PDE2A: variants seen among roughly 807,000 people sequenced by gnomAD.
PDE2A encodes phosphodiesterase 2A, also known as cGMP-dependent 3',5'-cyclic phosphodiesterase.
In PDE2A, 53 loss-of-function variants were observed where a neutral mutation model predicts 133.6. The ratio of observed to expected loss-of-function variants is 0.40; its 90% CI spans 0.32 to 0.50. PDE2A has a LOEUF of 0.50. Ranked by LOEUF, PDE2A falls within the 20% of genes least tolerant of loss-of-function variation. PDE2A has a pLI of 0.73. For synonymous variants in PDE2A, 491 were observed against 490.2 expected (o/e 1.00, Z -0.02); for missense variants, 796 against 1,232.4 (o/e 0.65, Z 5.30).
At chr11:72,648,100 C>T (rs189801130) in intron 1 of PDE2A, among the ~76,000 whole-genome samples, 6 of 152,278 alleles carry the variant, frequency 3.9e-5, no homozygotes, top group South Asian at 2.1e-4. Flanking sequence ...GTATGTGACA[C>T]GTGTTTATGC....
intron 1 of PDE2A, among the ~76,000 whole-genome samples, chr11:72,653,222 C>T (rs1335129940): frequency 2.0e-5 from 3 of 152,096 alleles, no homozygotes; most frequent in African/African-American, 7.2e-5. Flanking sequence ...TGGCTGGGCT[C>T]TCGAGGGGAA....
In PDE2A at chr11:72,577,700, C is replaced by CGGTA. The variant is rs1157941413; in HGVS notation, c.2616-110_2616-107dup. ...ATAGAACTTCCACAAGGGCCAGGTA[C>CGGTA]GGTAGCTCACGCCTGTAATCCCAAC... On this transcript the variant is annotated intron_variant, in intron 30 of 30. Coordinates refer to ENST00000334456, the MANE Select transcript of PDE2A (RefSeq NM_002599.5). The CGGTA allele has an allele frequency of 3.9e-6, 3 of 766,794 alleles. No homozygotes were observed. The African/African-American group carries it at 5.1e-5, about 13-fold the overall frequency. 47.5% of individuals were successfully genotyped at this position (766,794 alleles called of 1,614,324 possible). A position where few individuals can be genotyped will look rare whatever the true frequency, so the allele number is the denominator to read the frequency against.
chr11:72,610,191 C>G (rs534736211), intron 2 of PDE2A, among the ~76,000 whole-genome samples: 2 of 152,266 alleles, frequency 1.3e-5, no homozygotes, highest in South Asian at 4.1e-4. Flanking sequence ...TCTCTCAGAC[C>G]CTCCTAGATG....
intron 2 of PDE2A, among the ~76,000 whole-genome samples, chr11:72,641,997 G>A (rs577376088): frequency 2.0e-5 from 3 of 152,230 alleles, no homozygotes; most frequent in Non-Finnish European, 2.9e-5. Context: ...TGTGCACTGC[G>A]GTCCCACCGT....
At chr11:72,670,010 A>C (rs1318148017) in intron 1 of PDE2A, among the ~76,000 whole-genome samples, 2 of 150,816 alleles carry the variant, frequency 1.3e-5, no homozygotes, top group Non-Finnish European at 3.0e-5. Flanking sequence ...TCAATTCCCC[A>C]CTCCTCTCCT....
chr11:72,614,437 G>C (rs1475965134), intron 2 of PDE2A, among the ~76,000 whole-genome samples: 2 of 152,176 alleles, frequency 1.3e-5, no homozygotes, highest in African/African-American at 4.8e-5. Context: ...ATCAGGCTTT[G>C]GGGAGGGGAA....
chr11:72,661,262 G>A (rs1337281674), intron 1 of PDE2A, among the ~76,000 whole-genome samples: 5 of 152,086 alleles, frequency 3.3e-5, no homozygotes, highest in Admixed American at 2.6e-4. Flanking sequence ...CCAGGATAGC[G>A]CCACTGCCCT....
chr11:72,650,073 G>A (rs341039), intron 1 of PDE2A, among the ~76,000 whole-genome samples: 115,596 of 149,424 alleles, frequency 0.77, 45,265 homozygotes, highest in Middle Eastern at 0.84. Flanking sequence ...CAGGGCTGGA[G>A]TGCAGTGGTA....
intron 1 of PDE2A, among the ~76,000 whole-genome samples, chr11:72,645,447 C>T (rs1221116329): frequency 6.6e-6 from 1 of 152,314 alleles, no homozygotes; most frequent in African/African-American, 2.4e-5. Flanking sequence ...CATTTAAAGG[C>T]CTTGCCGAGC....
chr11:72,622,383 C>A (rs1857817662), intron 2 of PDE2A, among the ~76,000 whole-genome samples: 1 of 152,148 alleles, frequency 6.6e-6, no homozygotes, highest in Non-Finnish European at 1.5e-5. Flanking sequence ...GAAGCAGGAT[C>A]TTGAAGAGAT....
At chr11:72,594,046 C>T (rs1856369840) in intron 6 of PDE2A, among the ~76,000 whole-genome samples, 1 of 152,232 alleles carries the variant, frequency 6.6e-6, no homozygotes, top group African/African-American at 2.4e-5. Context: ...TAGTGCTTCT[C>T]ACCACCAACC....
intron 1 of PDE2A, chr11:72,658,138 T>G (rs1313851049): frequency 2.2e-6 from 1 of 456,220 alleles, no homozygotes; most frequent in African/African-American, 2.0e-5. Flanking sequence ...AATCCTCCCA[T>G]CCAATCCTCT....
chr11:72,580,341 G>A (rs1855664312), intron 25 of PDE2A, among the ~76,000 whole-genome samples: 1 of 152,122 alleles, frequency 6.6e-6, no homozygotes, highest in Admixed American at 6.5e-5. Context: ...GGGCTGAATG[G>A]GGTGTTCCCA....
chr11:72,613,444 C>G (rs1330302430), intron 2 of PDE2A, among the ~76,000 whole-genome samples: 3 of 151,986 alleles, frequency 2.0e-5, no homozygotes, highest in Admixed American at 2.0e-4. Flanking sequence ...TCGGAGCCCT[C>G]TCATTCTCTG....
At chr11:72,595,737 T>C (rs2034261547) in intron 6 of PDE2A, among the ~76,000 whole-genome samples, 1 of 151,832 alleles carries the variant, frequency 6.6e-6, no homozygotes, top group Non-Finnish European at 1.5e-5. Context: ...CCCCCAATAA[T>C]AGCAATTTGG....
chr11:72,614,910 G>A (rs886206380), intron 2 of PDE2A, among the ~76,000 whole-genome samples: 2 of 152,072 alleles, frequency 1.3e-5, no homozygotes, highest in African/African-American at 4.8e-5. Context: ...GCCACTCGCA[G>A]CGCAGGAGCC....
chr11:72,621,627 A>G (rs1320310329), intron 2 of PDE2A: 1 of 152,258 alleles, frequency 6.6e-6, no homozygotes, highest in African/African-American at 2.4e-5. Flanking sequence ...GGAGTCTCCC[A>G]TATCTTCAGT....
intron 2 of PDE2A, among the ~76,000 whole-genome samples, chr11:72,624,589 A>G (rs975030924): frequency 7.2e-5 from 11 of 152,186 alleles, no homozygotes; most frequent in African/African-American, 2.4e-4. Context: ...ACTCAGGACC[A>G]TACCTGCTAC....
chr11:72,629,059 G>A (rs946918037), intron 2 of PDE2A, among the ~76,000 whole-genome samples: 1 of 152,228 alleles, frequency 6.6e-6, no homozygotes, highest in Non-Finnish European at 1.5e-5. Context: ...ATGAGTGTGG[G>A]GATGGGGTCA....
Sources: allele counts gnomAD v4.1 joint callset (sites outside exome capture counted in the v4.1 genomes callset), GRCh38; gene constraint gnomAD v4.1.1; transcripts MANE v1.5; gene names NCBI Gene and HGNC (gene_info 2026-07-23, HGNC 2026-07-21).